SLC45A4: variants seen among roughly 807,000 people sequenced by gnomAD.
SLC45A4 encodes the protein solute carrier family 45 member 4, also known as polyamine-transporter SLC45A4.
A neutral mutation model predicts 63.7 loss-of-function variants in SLC45A4; 32 were observed. The ratio of observed to expected loss-of-function variants is 0.50; its 90% CI spans 0.38 to 0.67. SLC45A4 has a LOEUF of 0.67. Among genes scored for constraint, SLC45A4 ranks in the 30% least tolerant of loss-of-function variants. SLC45A4 has a pLI of 0.00. For synonymous variants in SLC45A4, 535 were observed against 510.0 expected (o/e 1.05, Z -0.66); for missense variants, 1,027 against 1,157.7 (o/e 0.89, Z 1.64).
Position 141,278,650 on chromosome 8 carries a change from G to C in SLC45A4, c.-400-24021C>G, listed in dbSNP as rs1231671360. On this transcript the variant is annotated intron_variant, in intron 1 of 8. Coordinates refer to ENST00000517878, the MANE Select transcript of SLC45A4 (RefSeq NM_001286646.2). The surrounding 1 kb of genome is among the most constrained non-coding windows in gnomAD (Gnocchi z 4.1). ...GTGCTGACCACAGCCCCCACGGGCAGCACAGGCAAGCAAGTGGAGGAAATA... is the reference window on the plus strand; with the variant it reads ...GTGCTGACCACAGCCCCCACGGGCACCACAGGCAAGCAAGTGGAGGAAATA... 6.6e-6 allele frequency among the ~76,000 whole-genome samples: 1 copy of C among 152,266 alleles called. No homozygotes were observed. Among genetic ancestry groups the C allele is most frequent in the African/African-American group, 2.4e-5 (1 of 41,466 alleles).
chr8:141,284,356 C>G (rs1405480987), intron 1 of SLC45A4, among the ~76,000 whole-genome samples: 1 of 152,340 alleles, frequency 6.6e-6, no homozygotes, highest in South Asian at 2.1e-4. Flanking sequence ...CCAGCGCCCA[C>G]CCCAGCCAGT....
At chr8:141,289,827 C>T (rs1830281312) in intron 1 of SLC45A4, among the ~76,000 whole-genome samples, 1 of 152,072 alleles carries the variant, frequency 6.6e-6, no homozygotes, top group African/African-American at 2.4e-5. Flanking sequence ...GGCCTCACCA[C>T]CCTCCAAGTC....
chr8:141,267,399 G>T (rs1021018630), intron 1 of SLC45A4, among the ~76,000 whole-genome samples: 5 of 152,272 alleles, frequency 3.3e-5, no homozygotes, highest in African/African-American at 1.2e-4. Context: ...GTGCACATGC[G>T]TGCCTGCAGA....
At position 141,209,844 on chromosome 8, in the gene SLC45A4, C is replaced by T. The variant is rs1825713449; in HGVS notation, c.*1728G>A. On this transcript the variant is annotated 3_prime_UTR_variant, in exon 9 of 9. Coordinates refer to ENST00000517878, the MANE Select transcript of SLC45A4 (RefSeq NM_001286646.2). Reference sequence around the variant, plus strand: ...TATTCAGAGGGGGGTTGCGAAGCCCCTCTTCCTCCTAAAAATCAAGTCGCA... The same window carrying T: ...TATTCAGAGGGGGGTTGCGAAGCCCTTCTTCCTCCTAAAAATCAAGTCGCA... 1 of 152,276 alleles carries T rather than the reference C, an allele frequency of 6.6e-6. No individual in the cohort carries two copies. Among genetic ancestry groups the T allele is most frequent in the Non-Finnish European group, 1.5e-5 (1 of 68,074 alleles). 9.4% of individuals were successfully genotyped at this position (152,276 alleles called of 1,614,324 possible). A position where few individuals can be genotyped will look rare whatever the true frequency, so the allele number is the denominator to read the frequency against.
At chr8:141,285,721 C>T (rs113806659) in intron 1 of SLC45A4, among the ~76,000 whole-genome samples, 3 of 152,190 alleles carry the variant, frequency 2.0e-5, no homozygotes, top group East Asian at 1.9e-4. Flanking sequence ...CAACCCACGG[C>T]GGAAAGCACG....
At chr8:141,298,919 C>T (rs1207507128) in intron 1 of SLC45A4, among the ~76,000 whole-genome samples, 1 of 152,110 alleles carries the variant, frequency 6.6e-6, no homozygotes, top group African/African-American at 2.4e-5. Flanking sequence ...GTGGGGGGAG[C>T]TGATGAGCAG....
intron 2 of SLC45A4, chr8:141,253,148 CAAGTCTATGAATTT>C (rs1828594786): frequency 8.1e-6 from 1 of 123,528 alleles, no homozygotes; most frequent in African/African-American, 2.9e-5. Flanking sequence ...CGCCCACCTG[CAAGTCTATGAATTT>C]CCGTGTTTTC....
rs1218570637 is a variant in SLC45A4, at chr8:141,208,974, T to A, written c.*2598A>T. 6.6e-6 allele frequency: 1 copy of A among 152,442 alleles called. No individual in the cohort carries two copies. The highest frequency in any genetic ancestry group is 2.4e-5 in the African/African-American group (1 of 41,364). 9.4% of individuals were successfully genotyped at this position (152,442 alleles called of 1,614,324 possible). A position where few individuals can be genotyped will look rare whatever the true frequency, so the allele number is the denominator to read the frequency against. Reference sequence around the variant, plus strand: ...CCAACCGACACACCCTGCCTGACACTCCACTCAGTGTGCAGAGGCACCCAG... The same window carrying A: ...CCAACCGACACACCCTGCCTGACACACCACTCAGTGTGCAGAGGCACCCAG... On this transcript the variant is annotated 3_prime_UTR_variant, in exon 9 of 9. Transcript: ENST00000517878.
At chr8:141,273,909 GT>G in intron 1 of SLC45A4, among the ~76,000 whole-genome samples, 1 of 152,336 alleles carries the variant, frequency 6.6e-6, no homozygotes, top group Non-Finnish European at 1.5e-5. Flanking sequence ...TTTCAGCAAT[GT>G]TAATGTCAAA....
chr8:141,213,654 A>G (rs1338713356), intron 7 of SLC45A4, among the ~76,000 whole-genome samples: 1 of 152,262 alleles, frequency 6.6e-6, no homozygotes, highest in Non-Finnish European at 1.5e-5. Flanking sequence ...AATTAAACCA[A>G]GACATAACGG....
At chr8:141,274,969 G>A (rs1450831545) in intron 1 of SLC45A4, among the ~76,000 whole-genome samples, 1 of 152,240 alleles carries the variant, frequency 6.6e-6, no homozygotes, top group African/African-American at 2.4e-5. Flanking sequence ...ACAGAGGAGA[G>A]GGCAGAACGG....
intron 2 of SLC45A4, among the ~76,000 whole-genome samples, chr8:141,245,049 G>GT (rs1828116193): frequency 6.7e-6 from 1 of 149,304 alleles, no homozygotes; most frequent in Non-Finnish European, 1.5e-5. Context: ...CTTTTCCACA[G>GT]TAAGTGTGAG....
chr8:141,212,397 C>G lies in SLC45A4; in HGVS notation c.2101G>C (p.Val701Leu), dbSNP rs776838096. Residue 701 changes from valine (V) to leucine (L), a missense_variant, in exon 8 of 9, where the codon GTG becomes CTG. Transcript: ENST00000517878. The part of the protein sequence containing the change: ...TVRVIPMVAS[V>L]GSFLGFLTAT... The stretch of plus-strand genomic sequence containing the variant: ...GTCAGGAAGCCCAGGAAAGAGCCCA[C>G]AGAGGCCACCATGGGGATGACGCGG... 16 of 1,613,614 alleles carry G rather than the reference C, an allele frequency of 9.9e-6. No individual in the cohort carries two copies. Among genetic ancestry groups the G allele is most frequent in the Middle Eastern group, 1.6e-4 (1 of 6,084 alleles).
rs148067808 is a variant in SLC45A4 at position 141,212,419 on chromosome 8, G to A, written c.2079C>T (p.Arg693=). 32 of 1,613,676 alleles carry A rather than the reference G, an allele frequency of 2.0e-5. No individual in the cohort carries two copies. The African/African-American group carries it at 3.7e-4, about 19-fold the overall frequency. Residue 693 remains arginine (R), a synonymous_variant, in exon 8 of 9, where the codon CGC becomes CGT. Coordinates refer to ENST00000517878, the MANE Select transcript of SLC45A4 (RefSeq NM_001286646.2). ...GGVVDAVGTV[R]VIPMVASVGS... is the part of the protein sequence containing the mutation. Reference sequence around the variant, plus strand: ...CCACAGAGGCCACCATGGGGATGACGCGGACAGTCCCCACGGCGTCGACCA... The same window carrying A: ...CCACAGAGGCCACCATGGGGATGACACGGACAGTCCCCACGGCGTCGACCA...
In SLC45A4 at chr8:141,277,364, A is replaced by C. The variant is rs562523430; in HGVS notation, c.-400-22735T>G. ...CCGAATATTAAAACCTTGCTAAGTGATGGACAAAGGTTCATGAAGCTGACA... is the reference window on the plus strand; with the variant it reads ...CCGAATATTAAAACCTTGCTAAGTGCTGGACAAAGGTTCATGAAGCTGACA... On this transcript the variant is annotated intron_variant, in intron 1 of 8. Transcript: ENST00000517878. 3.8e-3 allele frequency among the ~76,000 whole-genome samples: 576 copies of C among 152,354 alleles called. 8 individuals are homozygous for C. Among genetic ancestry groups the C allele is most frequent in the African/African-American group, 0.013 (550 of 41,574 alleles).
In SLC45A4 at chr8:141,209,549, T is replaced by G. The variant is rs777612821; in HGVS notation, c.*2023A>C. 2.6e-5 allele frequency: 4 copies of G among 152,350 alleles called. No homozygotes were observed. The highest frequency in any genetic ancestry group is 6.5e-5 in the Admixed American group (1 of 15,282). 9.4% of individuals were successfully genotyped at this position (152,350 alleles called of 1,614,324 possible). Reference sequence around the variant, plus strand: ...ACCCCAGCCCCTGCGGTCCCCTCATTTGGGCTCTGCACACTGACCTGCACA... The same window carrying G: ...ACCCCAGCCCCTGCGGTCCCCTCATGTGGGCTCTGCACACTGACCTGCACA... On this transcript the variant is annotated 3_prime_UTR_variant, in exon 9 of 9. Coordinates refer to ENST00000517878, the MANE Select transcript of SLC45A4 (RefSeq NM_001286646.2).
intron 2 of SLC45A4, among the ~76,000 whole-genome samples, chr8:141,239,950 T>C (rs1436720081): frequency 6.6e-6 from 1 of 152,230 alleles, no homozygotes; most frequent in African/African-American, 2.4e-5. Context: ...TTTTAAAACT[T>C]CCAGTGTTTT....
intron 1 of SLC45A4, among the ~76,000 whole-genome samples, chr8:141,271,647 G>C (rs1829526031): frequency 6.6e-6 from 1 of 152,170 alleles, no homozygotes; most frequent in Non-Finnish European, 1.5e-5. Flanking sequence ...TTCTCCACCA[G>C]ACACCGTTCT....
intron 2 of SLC45A4, among the ~76,000 whole-genome samples, chr8:141,235,369 G>A (rs1341344405): frequency 6.6e-6 from 1 of 152,162 alleles, no homozygotes; most frequent in African/African-American, 2.4e-5. Context: ...TGTCTGTAGA[G>A]TGCACTTCCG....
Sources: gnomAD v4.1 joint callset for allele counts (sites outside exome capture counted in the v4.1 genomes callset) on GRCh38, gnomAD v4.1.1 for gene constraint, Gnocchi (gnomAD v3.1) non-coding constraint, MANE v1.5 for transcripts, NCBI Gene and HGNC (gene_info 2026-07-23, HGNC 2026-07-21) for gene names.